The following EPM2A variants were observed in gnomAD, a reference collection of about 807,000 sequenced individuals.
The protein encoded by EPM2A is EPM2A glucan phosphatase, laforin, also known as laforin.
A neutral mutation model predicts 26.5 loss-of-function variants in EPM2A; 21 were observed. The ratio of observed to expected loss-of-function variants is 0.79; its 90% CI spans 0.56 to 1.14. The LOEUF is 1.14. Among genes scored for constraint, EPM2A ranks in the 50% most tolerant of loss-of-function variants. The probability of loss-of-function intolerance (pLI) is 0.00; values close to 1 mark genes in which losing one functional copy is unlikely to be tolerated. For missense variants in EPM2A, 458 were observed against 440.8 expected, an observed-to-expected ratio of 1.04 and a Z score of -0.35; for synonymous variants, 217 against 177.6, an observed-to-expected ratio of 1.22 and a Z score of -1.76.
At chr6:145,611,704 T>C (rs1775395737) in intron 2 of EPM2A, among the ~76,000 whole-genome samples, 1 of 152,168 alleles carries the variant, frequency 6.6e-6, no homozygotes, top group South Asian at 2.1e-4. Context: ...CTTAATATTT[T>C]AGTTGTAAGT....
intron 2 of EPM2A, among the ~76,000 whole-genome samples, chr6:145,556,985 A>C (rs1013742270): frequency 2.6e-5 from 4 of 152,126 alleles, no homozygotes; most frequent in African/African-American, 9.7e-5. Context: ...TTCATGTTAG[A>C]CATGGGTTCC....
At chr6:145,605,486 A>T (rs1034821152) in intron 2 of EPM2A, among the ~76,000 whole-genome samples, 5 of 152,108 alleles carry the variant, frequency 3.3e-5, no homozygotes, top group African/African-American at 1.2e-4. Context: ...TCTTGTCTGA[A>T]ACAGAGCTAC....
intron 4 of EPM2A, among the ~76,000 whole-genome samples, chr6:145,492,586 A>C (rs1779769191): frequency 1.3e-5 from 2 of 152,216 alleles, no homozygotes; most frequent in Admixed American, 1.3e-4. Context: ...CAGATGAGCA[A>C]ATTGAAGGAA....
chr6:145,431,146 T>TG (rs1778917197), intron 4 of EPM2A, among the ~76,000 whole-genome samples: 1 of 152,196 alleles, frequency 6.6e-6, no homozygotes, highest in Non-Finnish European at 1.5e-5. Context: ...TAGAAAATAA[T>TG]TGAAATGTTT....
intron 4 of EPM2A, among the ~76,000 whole-genome samples, chr6:145,417,804 C>T (rs1188645444): frequency 6.7e-6 from 1 of 148,524 alleles, no homozygotes; most frequent in Non-Finnish European, 1.5e-5. Context: ...GAAAGTCCTC[C>T]CCATGGTCAC....
intron 2 of EPM2A, among the ~76,000 whole-genome samples, chr6:145,643,854 A>C (rs565699466): frequency 6.7e-6 from 1 of 149,148 alleles, no homozygotes; most frequent in Non-Finnish European, 1.5e-5. Context: ...AAAAAAAAAA[A>C]TAGTTTTGGA....
intron 4 of EPM2A, among the ~76,000 whole-genome samples, chr6:145,399,137 G>A (rs1176722375): frequency 3.3e-5 from 5 of 152,004 alleles, no homozygotes; most frequent in African/African-American, 7.2e-5. Flanking sequence ...CAATACTTAC[G>A]TTTACAATGT....
intron 4 of EPM2A, among the ~76,000 whole-genome samples, chr6:145,385,468 C>T (rs1213605632): frequency 6.6e-6 from 1 of 152,060 alleles, no homozygotes; most frequent in Non-Finnish European, 1.5e-5. Flanking sequence ...ATTAAACTCC[C>T]AGTTTTTTAC....
chr6:145,431,801 A>G (rs1018795299), intron 4 of EPM2A, among the ~76,000 whole-genome samples: 4 of 152,156 alleles, frequency 2.6e-5, no homozygotes, highest in Non-Finnish European at 4.4e-5. Flanking sequence ...ATTTCTCTGG[A>G]GCACGCCCTG....
intron 1 of EPM2A, among the ~76,000 whole-genome samples, chr6:145,695,001 G>T (rs1474982695): frequency 6.6e-6 from 1 of 151,938 alleles, no homozygotes; most frequent in Non-Finnish European, 1.5e-5. Flanking sequence ...GTATCAGTCA[G>T]ATTCAAAATA....
chr6:145,396,841 A>T (rs971226395), intron 4 of EPM2A, among the ~76,000 whole-genome samples: 2 of 152,206 alleles, frequency 1.3e-5, no homozygotes, highest in African/African-American at 4.8e-5. Context: ...GGTGGTGGCC[A>T]AATACTACTT....
chr6:145,733,821 A>C (rs983845519), intron 1 of EPM2A, among the ~76,000 whole-genome samples: 5 of 152,150 alleles, frequency 3.3e-5, no homozygotes, highest in Non-Finnish European at 7.4e-5. Context: ...TTCTTTACTG[A>C]TTCTTTGTTT....
chr6:145,574,637 C>G (rs569798973), intron 2 of EPM2A, among the ~76,000 whole-genome samples: 1 of 152,326 alleles, frequency 6.6e-6, no homozygotes, highest in East Asian at 1.9e-4. Flanking sequence ...ATACACTTCC[C>G]CATCCCAAAC....
chr6:145,523,763 C>T (rs551515627), intron 2 of EPM2A, among the ~76,000 whole-genome samples: 2 of 152,158 alleles, frequency 1.3e-5, no homozygotes, highest in African/African-American at 4.8e-5. Context: ...ATGTCCCTCA[C>T]CTTTTTTTTC....
In EPM2A at chr6:145,735,487, G is replaced by A; in HGVS notation, c.12C>T (p.Arg4=). 3.3e-6 allele frequency: 4 copies of A among 1,194,122 alleles called. No individual in the cohort carries two copies. The highest frequency in any genetic ancestry group is 4.1e-6 in the Non-Finnish European group (4 of 964,544). 74.0% of individuals were successfully genotyped at this position (1,194,122 alleles called of 1,614,324 possible). Residue 4 remains arginine, a synonymous_variant, in exon 1 of 4, where the codon CGC becomes CGT. Transcript: ENST00000367519. Reference sequence around the variant, plus strand: ...CGGCGGGTGGCACCACCACCCCAAAGCGGAAGCGCATGGCGGGCGGCGGCG... The same window carrying A: ...CGGCGGGTGGCACCACCACCCCAAAACGGAAGCGCATGGCGGGCGGCGGCG... MRF[R]FGVVVPPAVA... is the part of the protein sequence containing the mutation.
At chr6:145,731,173 G>C (rs902347321) in intron 1 of EPM2A, among the ~76,000 whole-genome samples, 3 of 152,026 alleles carry the variant, frequency 2.0e-5, no homozygotes, top group Non-Finnish European at 4.4e-5. Flanking sequence ...ACGATCTTAA[G>C]CCTGCTGGCT....
At chr6:145,407,681 A>G (rs1253055795) in intron 4 of EPM2A, among the ~76,000 whole-genome samples, 1 of 152,182 alleles carries the variant, frequency 6.6e-6, no homozygotes, top group East Asian at 1.9e-4. Flanking sequence ...CTTTAAATAA[A>G]TTTTATGGTT....
chr6:145,660,126 T>C (rs1186901158), intron 2 of EPM2A, among the ~76,000 whole-genome samples: 20 of 152,190 alleles, frequency 1.3e-4, no homozygotes, highest in Non-Finnish European at 8.8e-5. Flanking sequence ...ATTTTATTTG[T>C]CTCTAGCATG....
At chr6:145,440,948 T>G (rs1779054494) in intron 4 of EPM2A, among the ~76,000 whole-genome samples, 1 of 152,190 alleles carries the variant, frequency 6.6e-6, no homozygotes, top group Non-Finnish European at 1.5e-5. Flanking sequence ...CCTGGAGGAT[T>G]GTGCCCCTCT....
Sources: allele counts gnomAD v4.1 joint callset (sites outside exome capture counted in the v4.1 genomes callset), GRCh38; gene constraint gnomAD v4.1.1; transcripts MANE v1.5; gene names NCBI Gene and HGNC (gene_info 2026-07-23, HGNC 2026-07-21).